Variants in EXOC4 observed in about 807,000 individuals in gnomAD.
EXOC4 encodes exocyst complex component 4, also known as SEC8-like 1.
EXOC4 carries 71 observed loss-of-function variants against 107.2 expected under a neutral mutation model. The ratio of observed to expected loss-of-function variants is 0.66; its 90% CI spans 0.55 to 0.81. The LOEUF (loss-of-function observed/expected upper bound fraction) is 0.81. EXOC4 is among the 30% of genes least tolerant of loss of function. EXOC4 has a pLI of 0.00. For synonymous variants in EXOC4, 456 were observed against 441.2 expected (o/e 1.03, Z -0.42); for missense variants, 1,108 against 1,189.6 (o/e 0.93, Z 1.01).
intron 7 of EXOC4, among the ~76,000 whole-genome samples, chr7:133,436,515 C>A (rs927012779): frequency 9.3e-5 from 14 of 150,506 alleles, no homozygotes; most frequent in Non-Finnish European, 2.1e-4. Context: ...AAAAAAAAAA[C>A]CCTAATATTA....
chr7:133,504,997 G>A (rs1013436454), intron 9 of EXOC4, among the ~76,000 whole-genome samples: 1 of 152,078 alleles, frequency 6.6e-6, no homozygotes, highest in African/African-American at 2.4e-5. Flanking sequence ...GGCAGAGTCA[G>A]GTCGGAGATT....
intron 17 of EXOC4, among the ~76,000 whole-genome samples, chr7:134,026,257 C>G (rs750065305): frequency 6.6e-6 from 1 of 151,472 alleles, no homozygotes; most frequent in Admixed American, 6.6e-5. Flanking sequence ...CCTGTCTCCC[C>G]ACGATGGCAA....
At chr7:133,416,686 A>G (rs955839526) in intron 7 of EXOC4, among the ~76,000 whole-genome samples, 10 of 152,166 alleles carry the variant, frequency 6.6e-5, no homozygotes, top group African/African-American at 1.7e-4. Flanking sequence ...CTCCTCCACT[A>G]TCAGATATTT....
intron 10 of EXOC4, among the ~76,000 whole-genome samples, chr7:133,631,194 C>T (rs1802584142): frequency 1.3e-5 from 2 of 152,062 alleles, no homozygotes; most frequent in Non-Finnish European, 1.5e-5. Flanking sequence ...AGAGCAGAAA[C>T]TCCTGGATTT....
At chr7:133,861,004 G>A (rs1272667583) in intron 11 of EXOC4, among the ~76,000 whole-genome samples, 1 of 151,970 alleles carries the variant, frequency 6.6e-6, no homozygotes, top group Non-Finnish European at 1.5e-5. Flanking sequence ...AATGCCCTTG[G>A]ACCCATCCAA....
At chr7:133,966,250 T>C (rs1002512803) in intron 14 of EXOC4, among the ~76,000 whole-genome samples, 1 of 152,240 alleles carries the variant, frequency 6.6e-6, no homozygotes, top group Non-Finnish European at 1.5e-5. Flanking sequence ...GTTTTCTAAA[T>C]ATACAATCAT....
chr7:133,574,113 T>C (rs1197188688), intron 9 of EXOC4, among the ~76,000 whole-genome samples: 1 of 152,196 alleles, frequency 6.6e-6, no homozygotes, highest in African/African-American at 2.4e-5. Flanking sequence ...TTATTAATTA[T>C]TTATGACTGA....
chr7:133,882,429 A>G (rs758883439), intron 11 of EXOC4, among the ~76,000 whole-genome samples: 3 of 152,212 alleles, frequency 2.0e-5, no homozygotes, highest in Non-Finnish European at 2.9e-5. Context: ...CAGTTAAGAA[A>G]TATTTATTGA....
chr7:133,777,861 A>G (rs1345214855), intron 10 of EXOC4, among the ~76,000 whole-genome samples: 10 of 152,314 alleles, frequency 6.6e-5, no homozygotes, highest in African/African-American at 2.2e-4. Context: ...TATAGCTAGT[A>G]TATATGAATG....
intron 10 of EXOC4, among the ~76,000 whole-genome samples, chr7:133,704,924 T>C (rs1450388698): frequency 6.6e-6 from 1 of 152,248 alleles, no homozygotes; most frequent in Non-Finnish European, 1.5e-5. Flanking sequence ...TGAACAATTA[T>C]AACAATATGC....
intron 7 of EXOC4, among the ~76,000 whole-genome samples, chr7:133,446,211 C>A (rs1040955745): frequency 7.2e-5 from 11 of 152,098 alleles, no homozygotes; most frequent in Non-Finnish European, 1.3e-4. Context: ...GTACATGAGA[C>A]CAGTGAAGCT....
At chr7:133,445,047 G>A (rs560537978) in intron 7 of EXOC4, among the ~76,000 whole-genome samples, 2 of 152,242 alleles carry the variant, frequency 1.3e-5, no homozygotes, top group Admixed American at 6.5e-5. Context: ...TTTTGTGTGT[G>A]TATGTTTTTT....
chr7:134,058,268 C>T (rs1010051756), intron 17 of EXOC4, among the ~76,000 whole-genome samples: 1 of 152,136 alleles, frequency 6.6e-6, no homozygotes, highest in East Asian at 1.9e-4. Flanking sequence ...ATTTGTATTT[C>T]AGAAGTCAGA....
At chr7:133,756,851 G>T (rs577132906) in intron 10 of EXOC4, among the ~76,000 whole-genome samples, 1 of 152,180 alleles carries the variant, frequency 6.6e-6, no homozygotes, top group Non-Finnish European at 1.5e-5. Flanking sequence ...TGACAAAAAT[G>T]AGTTCAATAT....
Position 133,926,059 on chromosome 7 carries a change from A to G in EXOC4, c.2027+8321A>G, listed in dbSNP as rs201468338. ...CTCCGTCTCAAAAAAAAAAAAAAAAAAAGAAGAAAAGAACTAAGATCATGC... is the reference window on the plus strand; with the variant it reads ...CTCCGTCTCAAAAAAAAAAAAAAAAGAAGAAGAAAAGAACTAAGATCATGC... On this transcript the variant is annotated intron_variant, in intron 13 of 17. Transcript: ENST00000253861. Among the ~76,000 whole-genome samples, 445 of 150,950 alleles carry G rather than the reference A, an allele frequency of 2.9e-3. 6 individuals carry two copies. The highest frequency in any genetic ancestry group is 9.9e-3 in the African/African-American group (401 of 40,528).
chr7:133,318,638 C>T (rs2150583304), intron 5 of EXOC4, among the ~76,000 whole-genome samples: 1 of 152,264 alleles, frequency 6.6e-6, no homozygotes, highest in African/African-American at 2.4e-5. Flanking sequence ...TGGATTCAAT[C>T]AGTACATTTT....
intron 9 of EXOC4, among the ~76,000 whole-genome samples, chr7:133,527,062 C>A (rs922216899): frequency 1.3e-5 from 2 of 152,094 alleles, no homozygotes. Flanking sequence ...CATAATACCA[C>A]CCCTGTTAAC....
At chr7:134,093,078 G>A in the EXOC4 span, among the ~76,000 whole-genome samples, 8 of 151,808 alleles carry the variant, frequency 5.3e-5, no homozygotes, top group African/African-American at 9.7e-5. Flanking sequence ...TCAAAACCTC[G>A]CACGTAAATA....
chr7:133,739,222 TTGTGTGTG>T (rs72444310), intron 10 of EXOC4, among the ~76,000 whole-genome samples: 2,195 of 142,402 alleles, frequency 0.015, 20 homozygotes, highest in Middle Eastern at 0.025. Flanking sequence ...GTAGAGGGGT[TTGTGTGTG>T]TGTGTGTGTG....
Sources: allele counts gnomAD v4.1 joint callset (sites outside exome capture counted in the v4.1 genomes callset), GRCh38; gene constraint gnomAD v4.1.1; transcripts MANE v1.5; gene names NCBI Gene and HGNC (gene_info 2026-07-23, HGNC 2026-07-21).